Variants in RNFT2 observed in about 807,000 individuals in gnomAD.
RNFT2 encodes the protein ring finger protein, transmembrane 2.
Under a neutral mutation model 53.0 loss-of-function variants are expected in RNFT2, and 36 were observed. The ratio of observed to expected loss-of-function variants is 0.68; its 90% confidence interval spans 0.52 to 0.90. The LOEUF (loss-of-function observed/expected upper bound fraction) is 0.90. Ranked by LOEUF, RNFT2 falls within the 40% of genes least tolerant of loss-of-function variation. RNFT2 has a pLI of 0.00. For synonymous variants in RNFT2, 260 were observed against 253.2 expected (o/e 1.03, Z -0.26); for missense variants, 514 against 585.6 (o/e 0.88, Z 1.26).
chr12:116,836,578 C>G (rs1301447251), intron 10 of RNFT2, among the ~76,000 whole-genome samples: 3 of 152,138 alleles, frequency 2.0e-5, no homozygotes, highest in African/African-American at 7.2e-5. Context: ...TTCTTGACCC[C>G]CTGTGGGTCA....
intron 7 of RNFT2, among the ~76,000 whole-genome samples, chr12:116,823,306 TCA>T (rs902871139): frequency 2.6e-5 from 4 of 152,150 alleles, no homozygotes; most frequent in Admixed American, 6.5e-5. Flanking sequence ...TTGCCCAAAG[TCA>T]CACAGATACA....
chr12:116,739,398 G>C (rs961099762), intron 1 of RNFT2, among the ~76,000 whole-genome samples: 15 of 152,170 alleles, frequency 9.9e-5, no homozygotes, highest in Non-Finnish European at 2.1e-4. Context: ...TGAGGCAGAG[G>C]GGTGATCCAA....
At chr12:116,751,210 C>T (rs1009552734) in intron 4 of RNFT2, among the ~76,000 whole-genome samples, 9 of 151,684 alleles carry the variant, frequency 5.9e-5, no homozygotes, top group Non-Finnish European at 7.4e-5. Context: ...GCCACTGCCC[C>T]GGCCTACTAT....
At position 116,756,517 on chromosome 12, in the gene RNFT2, G is replaced by T. The variant is rs573804158; in HGVS notation, c.627+2457G>T. 8.5e-5 allele frequency among the ~76,000 whole-genome samples: 13 copies of T among 152,088 alleles called. No homozygotes were observed. The South Asian group carries it at 1.7e-3, about 19-fold the overall frequency. On this transcript the variant is annotated intron_variant, in intron 5 of 10. Transcript: ENST00000257575. The stretch of plus-strand genomic sequence containing the variant: ...AGGTATGTCCCTTGTATGCCATTTT[G>T]CTGAGAGTTTTAATCATAAAGGGAT...
intron 6 of RNFT2, among the ~76,000 whole-genome samples, chr12:116,772,260 G>A (rs7297890): frequency 0.83 from 126,134 of 152,098 alleles, 53,179 homozygotes; most frequent in Non-Finnish European, 0.91. Flanking sequence ...CCTGGTCACA[G>A]TTTGTAAAGT....
chr12:116,806,491 AGT>A (rs923789901), intron 7 of RNFT2, among the ~76,000 whole-genome samples: 23 of 151,730 alleles, frequency 1.5e-4, no homozygotes, highest in African/African-American at 5.6e-4. Flanking sequence ...GGCCAGGCAC[AGT>A]GTTTCACATC....
intron 7 of RNFT2, among the ~76,000 whole-genome samples, chr12:116,808,291 C>G (rs1875184278): frequency 1.3e-5 from 2 of 151,968 alleles, no homozygotes; most frequent in South Asian, 4.2e-4. Flanking sequence ...GGTCTTGCTG[C>G]ATTGCCCAGG....
chr12:116,823,561 A>G (rs751277788), intron 7 of RNFT2, among the ~76,000 whole-genome samples: 11 of 152,134 alleles, frequency 7.2e-5, no homozygotes, highest in Non-Finnish European at 1.6e-4. Flanking sequence ...GCGCATACCT[A>G]TAATCCCAGC....
At chr12:116,808,393 A>G (rs1175257738) in intron 7 of RNFT2, among the ~76,000 whole-genome samples, 1 of 152,074 alleles carries the variant, frequency 6.6e-6, no homozygotes, top group Non-Finnish European at 1.5e-5. Context: ...TCCAGCCTTC[A>G]TGTTTTGTTG....
chr12:116,753,992 G>C lies in RNFT2; in HGVS notation c.559G>C (p.Val187Leu), dbSNP rs767168477. 6.2e-6 allele frequency: 10 copies of C among 1,613,780 alleles called. No homozygotes were observed. The highest frequency in any genetic ancestry group is 8.5e-6 in the Non-Finnish European group (10 of 1,179,848). Residue 187 changes from valine to leucine, a missense_variant, in exon 5 of 11, where the codon GTG becomes CTG. Val to Leu is a conservative substitution (Grantham distance 32, BLOSUM62 1). Coordinates refer to ENST00000257575, the MANE Select transcript of RNFT2 (RefSeq NM_001382266.1). ...CCTTCTCTGTCCCACAGGCATTGCT[G>C]TGTGCATCGGGATGGCCAGCACCTT... ...LCFQHKLGIA[V>L]CIGMASTFAY...
At chr12:116,840,019 G>A (rs934359067) in intron 10 of RNFT2, among the ~76,000 whole-genome samples, 24 of 152,334 alleles carry the variant, frequency 1.6e-4, no homozygotes, top group African/African-American at 5.8e-4. Context: ...CCTCTGACAG[G>A]CTACAGGGAG....
chr12:116,827,293 C>G (rs1394080412), intron 7 of RNFT2, among the ~76,000 whole-genome samples: 1 of 151,478 alleles, frequency 6.6e-6, no homozygotes. Context: ...ATAACAGGAG[C>G]ACCTGATTCA....
intron 5 of RNFT2, 81 bp downstream of exon 5, chr12:116,754,141 TC>T: frequency 8.9e-7 from 1 of 1,127,546 alleles, no homozygotes. Flanking sequence ...CCGGCAAGTC[TC>T]CAGAGTTCAT....
At chr12:116,775,111 T>C (rs1873369653) in intron 6 of RNFT2, among the ~76,000 whole-genome samples, 1 of 151,664 alleles carries the variant, frequency 6.6e-6, no homozygotes, top group Non-Finnish European at 1.5e-5. Flanking sequence ...AAATACAAAA[T>C]TACCCAGGTG....
intron 7 of RNFT2, among the ~76,000 whole-genome samples, chr12:116,821,802 C>CTTTTTTTTTTTTTTTTT (rs149043452): frequency 6.8e-5 from 3 of 43,926 alleles, no homozygotes; most frequent in African/African-American, 3.1e-4. Flanking sequence ...CTACTTGTTT[C>CTTTTTTTTTTTTTTTTT]TTTTTTTTTT....
intron 7 of RNFT2, among the ~76,000 whole-genome samples, chr12:116,797,071 A>C (rs1874537070): frequency 6.6e-6 from 1 of 152,204 alleles, no homozygotes; most frequent in African/African-American, 2.4e-5. Flanking sequence ...AGAGTTATCC[A>C]GCCCTAAATG....
At chr12:116,840,154 G>A (rs941262943) in intron 10 of RNFT2, among the ~76,000 whole-genome samples, 4 of 152,194 alleles carry the variant, frequency 2.6e-5, no homozygotes, top group Non-Finnish European at 5.9e-5. Context: ...GTCACTATGA[G>A]TTTGGTTTTT....
In RNFT2 at chr12:116,778,925, CA is replaced by C. The variant is rs952172770; in HGVS notation, c.729-263del. On this transcript the variant is annotated intron_variant, in intron 6 of 10. Transcript: ENST00000257575. ...CCTAAGGTATTCTGTTATAGCAACA[CA>C]AAAAAAGGACTAAAACAAGGACCTT... 6.6e-5 allele frequency among the ~76,000 whole-genome samples: 10 copies of C among 152,180 alleles called. No homozygotes were observed. In the East Asian group the frequency reaches 7.7e-4, roughly 12 times the overall value.
In RNFT2 at chr12:116,852,095, G is replaced by A; in HGVS notation, c.*2647G>A. ...TGTTCCCTGCTCTGAAATCTGGCAT[G>A]AGATGGCACAGGTGACCACGCAGAA... On this transcript the variant is annotated 3_prime_UTR_variant, in exon 11 of 11. Coordinates refer to ENST00000257575, the MANE Select transcript of RNFT2 (RefSeq NM_001382266.1). The A allele has an allele frequency of 9.7e-7, 1 of 1,035,936 alleles. No homozygotes were observed. The highest frequency in any genetic ancestry group is 1.6e-5 in the African/African-American group (1 of 62,326). The allele number at this position is 1,035,936 out of a possible 1,614,324, so 64.2% of individuals were successfully genotyped here. A position where few individuals can be genotyped will look rare whatever the true frequency, so the allele number is the denominator to read the frequency against.
Sources: gnomAD v4.1 joint callset for allele counts (sites outside exome capture counted in the v4.1 genomes callset) on GRCh38, gnomAD v4.1.1 for gene constraint, MANE v1.5 for transcripts, NCBI Gene and HGNC (gene_info 2026-07-23, HGNC 2026-07-21) for gene names.